DLC1: variants seen among roughly 807,000 people sequenced by gnomAD.
DLC1 encodes DLC1 Rho GTPase activating protein, also known as rho GTPase-activating protein 7.
Under a neutral mutation model 140.3 loss-of-function variants are expected in DLC1, and 54 were observed. The ratio of observed to expected loss-of-function variants is 0.38; its 90% CI spans 0.31 to 0.48. The LOEUF is 0.48. DLC1 is among the 20% of genes least tolerant of loss of function. DLC1 has a pLI of 0.96. For synonymous variants in DLC1, 986 were observed against 728.1 expected (o/e 1.35, Z -5.70); for missense variants, 2,536 against 1,907.0 (o/e 1.33, Z -6.14).
intron 2 of DLC1, among the ~76,000 whole-genome samples, chr8:13,477,925 A>G (rs377541330): frequency 4.6e-5 from 7 of 152,214 alleles, no homozygotes; most frequent in Admixed American, 3.9e-4. Flanking sequence ...TACCAATAAC[A>G]TATTAAAAAA....
chr8:13,329,853 T>C (rs757643515), intron 4 of DLC1, among the ~76,000 whole-genome samples: 50 of 151,488 alleles, frequency 3.3e-4, no homozygotes, highest in Non-Finnish European at 4.6e-4. Flanking sequence ...TAAGTAATGG[T>C]TATTGATTGA....
chr8:13,221,293 C>G (rs769848243), intron 5 of DLC1, among the ~76,000 whole-genome samples: 4 of 152,100 alleles, frequency 2.6e-5, no homozygotes, highest in Non-Finnish European at 2.9e-5. Flanking sequence ...CCCTCAAAAG[C>G]TGGCTGACAA....
At chr8:13,436,849 T>C (rs1226214320) in intron 2 of DLC1, among the ~76,000 whole-genome samples, 1 of 152,224 alleles carries the variant, frequency 6.6e-6, no homozygotes, top group Non-Finnish European at 1.5e-5. Context: ...TGCTCACACA[T>C]TTCAGGTCTT....
At chr8:13,367,161 C>T (rs952088755) in intron 4 of DLC1, among the ~76,000 whole-genome samples, 9 of 152,262 alleles carry the variant, frequency 5.9e-5, no homozygotes, top group Admixed American at 3.3e-4. Context: ...TTTTGGGTTT[C>T]TACTTTAGTC....
chr8:13,595,686 T>A (rs1275000836), intron 1 of DLC1, among the ~76,000 whole-genome samples: 1 of 151,990 alleles, frequency 6.6e-6, no homozygotes, highest in Non-Finnish European at 1.5e-5. Context: ...ACATAAACAT[T>A]CTCTCAAATA....
At chr8:13,589,384 C>G (rs750673715) in intron 1 of DLC1, among the ~76,000 whole-genome samples, 3 of 152,058 alleles carry the variant, frequency 2.0e-5, no homozygotes, top group Non-Finnish European at 4.4e-5. Flanking sequence ...CAATGAGTCT[C>G]CATTTCTCCT....
chr8:13,241,168 A>C (rs1829529409), intron 5 of DLC1, among the ~76,000 whole-genome samples: 1 of 152,346 alleles, frequency 6.6e-6, no homozygotes, highest in Admixed American at 6.5e-5. Context: ...TTGGAGGCCA[A>C]ACTGTGGCTT....
intron 5 of DLC1, chr8:13,133,239 C>T (rs1822275150): frequency 2.8e-5 from 39 of 1,393,954 alleles, no homozygotes; most frequent in Non-Finnish European, 3.2e-5. Context: ...GAGGTGCGGC[C>T]ATGTCCTGGC....
rs113195550 is a variant in DLC1 at position 13,590,239 on chromosome 8, C to T, written c.-126+14298G>A. 3.1e-3 allele frequency among the ~76,000 whole-genome samples: 470 copies of T among 152,016 alleles called. 1 individual carries two copies. Among genetic ancestry groups the T allele is most frequent in the African/African-American group, 0.011 (452 of 41,480 alleles). ...CATCCTTGAATATCTTTCCAACATTCTGGTGATTTCCCACATTATGAGTCC... is the reference window on the plus strand; with the variant it reads ...CATCCTTGAATATCTTTCCAACATTTTGGTGATTTCCCACATTATGAGTCC... On this transcript the variant is annotated intron_variant, in intron 1 of 1. Transcript: ENST00000631382.
intron 2 of DLC1, among the ~76,000 whole-genome samples, chr8:13,421,141 C>T (rs749000475): frequency 3.3e-5 from 5 of 152,150 alleles, no homozygotes; most frequent in African/African-American, 7.2e-5. Flanking sequence ...TTCCAAAACT[C>T]GATGACAGAT....
At chr8:13,412,309 G>T (rs1585062576) in intron 2 of DLC1, among the ~76,000 whole-genome samples, 1 of 152,118 alleles carries the variant, frequency 6.6e-6, no homozygotes, top group Non-Finnish European at 1.5e-5. Flanking sequence ...TTTGGAAATA[G>T]AATTTTTTTC....
intron 5 of DLC1, among the ~76,000 whole-genome samples, chr8:13,184,038 T>C (rs950876871): frequency 6.6e-6 from 1 of 152,218 alleles, no homozygotes; most frequent in African/African-American, 2.4e-5. Flanking sequence ...CCCAGTTTAG[T>C]CTTTGGAGGG....
chr8:13,279,270 C>G (rs1459780831), intron 5 of DLC1, among the ~76,000 whole-genome samples: 1 of 152,174 alleles, frequency 6.6e-6, no homozygotes, highest in Non-Finnish European at 1.5e-5. Flanking sequence ...GCACTCAGGT[C>G]TAATCACCAA....
At chr8:13,212,715 C>T (rs566436432) in intron 5 of DLC1, among the ~76,000 whole-genome samples, 1 of 152,190 alleles carries the variant, frequency 6.6e-6, no homozygotes, top group Admixed American at 6.5e-5. Context: ...GAGTGGCTTT[C>T]TTAGAATAGT....
intron 10 of DLC1, chr8:13,095,487 C>A (rs949104126): frequency 7.6e-6 from 4 of 525,424 alleles, no homozygotes; most frequent in Non-Finnish European, 1.4e-5. Context: ...AAAGAACATT[C>A]CTATCATCCA....
intron 1 of DLC1, among the ~76,000 whole-genome samples, chr8:13,532,273 A>G (rs1353495924): frequency 6.6e-6 from 1 of 152,112 alleles, no homozygotes; most frequent in Non-Finnish European, 1.5e-5. Context: ...CTGTCTAAAA[A>G]CAACAACAAC....
chr8:13,587,582 A>G (rs1033108445), intron 1 of DLC1, among the ~76,000 whole-genome samples: 1 of 115,744 alleles, frequency 8.6e-6, no homozygotes, highest in Admixed American at 1.1e-4. Context: ...GAGAGAGAAA[A>G]TATATATATA....
At chr8:13,553,135 TA>T (rs1460768293) in intron 1 of DLC1, among the ~76,000 whole-genome samples, 1 of 148,288 alleles carries the variant, frequency 6.7e-6, no homozygotes, top group Non-Finnish European at 1.5e-5. Flanking sequence ...ACTAGTGTGC[TA>T]TTGATTGCTA....
chr8:13,095,115 G>A lies in DLC1; in HGVS notation c.3298C>T (p.Arg1100Ter), dbSNP rs763428774. 1 of 1,614,138 alleles carries A rather than the reference G, an allele frequency of 6.2e-7. No homozygotes were observed. The highest frequency in any genetic ancestry group is 1.3e-5 in the African/African-American group (1 of 74,944). The change falls in exon 11 of 18, where the codon CGA becomes TGA. Residue 1100 changes from arginine (R) to a stop codon, truncating the protein, a stop_gained. Transcript: ENST00000276297. LOFTEE classifies it high-confidence loss of function. ...TCCAAACAATGGTTCCGGAGGTATC[G>A]CATGGCCTGCTGGATGCTCTGAGGC... ...PLPQSIQQAM[R>*]YLRNHCLDQV...
Sources: gnomAD v4.1 joint callset for allele counts (sites outside exome capture counted in the v4.1 genomes callset) on GRCh38, gnomAD v4.1.1 for gene constraint, MANE v1.5 for transcripts, NCBI Gene and HGNC (gene_info 2026-07-23, HGNC 2026-07-21) for gene names.